The following TENM3 variants were observed in gnomAD, a reference collection of about 807,000 sequenced individuals.
TENM3 encodes teneurin transmembrane protein 3.
A neutral mutation model predicts 255.1 loss-of-function variants in TENM3; 63 were observed. The ratio of observed to expected loss-of-function variants is 0.25; its 90% CI spans 0.20 to 0.30. The LOEUF (loss-of-function observed/expected upper bound fraction) is 0.30, where lower values mean the gene tolerates loss of function less well. Among genes scored for constraint, TENM3 ranks in the 10% least tolerant of loss-of-function variants. The probability of loss-of-function intolerance (pLI) is 1.00; values close to 1 mark genes in which losing one functional copy is unlikely to be tolerated. For synonymous variants in TENM3, 1,306 were observed against 1,322.3 expected (o/e 0.99, Z 0.27); for missense variants, 2,929 against 3,461.1 (o/e 0.85, Z 3.86).
chr4:182,285,863 A>G (rs115065772), intron 1 of TENM3, among the ~76,000 whole-genome samples: 2,788 of 152,226 alleles, frequency 0.018, 81 homozygotes, highest in African/African-American at 0.06. Context: ...AAAAGAAAAA[A>G]AAATAAGCCT....
chr4:181,839,363 A>C, the TENM3 span, among the ~76,000 whole-genome samples: 4 of 59,160 alleles, frequency 6.8e-5, no homozygotes, highest in Non-Finnish European at 1.5e-4. Flanking sequence ...ATATATATAT[A>C]TATATATATA....
At chr4:181,970,559 C>T in the TENM3 span, among the ~76,000 whole-genome samples, 4 of 152,072 alleles carry the variant, frequency 2.6e-5, no homozygotes, top group African/African-American at 9.7e-5. Context: ...AGAATTTTTC[C>T]ACCATCAGTG....
Position 182,669,700 on chromosome 4 carries a change from A to C in TENM3, c.1112-3305A>C, listed in dbSNP as rs192209919. Among the ~76,000 whole-genome samples the C allele has an allele frequency of 4.6e-3, 697 of 152,340 alleles. 3 individuals carry two copies. Among genetic ancestry groups the C allele is most frequent in the Non-Finnish European group, 6.2e-3 (424 of 68,030 alleles). ...TAATATATCTGATTTTATATGAAATAGACAAATTTAAAACTTAGTAATTTA... is the reference window on the plus strand; with the variant it reads ...TAATATATCTGATTTTATATGAAATCGACAAATTTAAAACTTAGTAATTTA... On this transcript the variant is annotated intron_variant, in intron 6 of 27. Coordinates refer to ENST00000511685, the MANE Select transcript of TENM3 (RefSeq NM_001080477.4).
rs1739710278 is a variant in TENM3 at position 182,530,839 on chromosome 4, A to G, written c.512-70085A>G. 2.6e-5 allele frequency among the ~76,000 whole-genome samples: 4 copies of G among 152,328 alleles called. No individual in the cohort carries two copies. The South Asian group carries it at 8.3e-4, about 32-fold the overall frequency. ...TCTTAGATGTTTGGCTTACATGCCC[A>G]GTGGAGTTTGGTGCCATTTACTGAA... On this transcript the variant is annotated intron_variant, in intron 3 of 27. Coordinates refer to ENST00000511685, the MANE Select transcript of TENM3 (RefSeq NM_001080477.4).
the TENM3 span, among the ~76,000 whole-genome samples, chr4:181,528,879 A>C: frequency 2.6e-5 from 3 of 114,592 alleles, no homozygotes; most frequent in African/African-American, 8.8e-5. Context: ...CCAAACACAC[A>C]CACACATACA....
the TENM3 span, among the ~76,000 whole-genome samples, chr4:181,634,521 A>G: frequency 6.7e-6 from 1 of 150,338 alleles, no homozygotes; most frequent in South Asian, 2.1e-4. Context: ...TTTCCTATGT[A>G]TTTTGTATTG....
the TENM3 span, among the ~76,000 whole-genome samples, chr4:182,066,833 C>G: frequency 0.019 from 2,864 of 152,148 alleles, 84 homozygotes; most frequent in African/African-American, 0.065. Flanking sequence ...ATGGCGTGAA[C>G]CCGGGAGGCG....
the TENM3 span, among the ~76,000 whole-genome samples, chr4:182,045,014 G>A: frequency 6.6e-6 from 1 of 152,188 alleles, no homozygotes; most frequent in Non-Finnish European, 1.5e-5. Flanking sequence ...TTGTTGTCTT[G>A]TAGAACAAAA....
chr4:181,899,906 T>C, the TENM3 span, among the ~76,000 whole-genome samples: 1 of 152,174 alleles, frequency 6.6e-6, no homozygotes, highest in African/African-American at 2.4e-5. Flanking sequence ...ATTTTATTCT[T>C]GAAGTAAACC....
the TENM3 span, among the ~76,000 whole-genome samples, chr4:181,469,101 T>G: frequency 1.3e-5 from 2 of 152,200 alleles, no homozygotes. Flanking sequence ...GTGGCTTTAT[T>G]GCAGTTGTCA....
the TENM3 span, among the ~76,000 whole-genome samples, chr4:182,006,373 G>T: frequency 6.6e-6 from 1 of 152,138 alleles, no homozygotes; most frequent in African/African-American, 2.4e-5. Flanking sequence ...TTTTTGGTTG[G>T]TAGGTGATTA....
At chr4:182,477,299 G>A (rs945820590) in intron 3 of TENM3, among the ~76,000 whole-genome samples, 2 of 152,140 alleles carry the variant, frequency 1.3e-5, no homozygotes, top group African/African-American at 4.8e-5. Context: ...CTGGGTGACT[G>A]TTTTCTGAGT....
At chr4:182,197,584 A>G (rs1362585726) in intron 1 of TENM3, among the ~76,000 whole-genome samples, 3 of 152,246 alleles carry the variant, frequency 2.0e-5, no homozygotes, top group Non-Finnish European at 4.4e-5. Context: ...GCTCAACAAT[A>G]CAAAAAGAAA....
At chr4:181,780,530 A>G in the TENM3 span, among the ~76,000 whole-genome samples, 284 of 152,172 alleles carry the variant, frequency 1.9e-3, 1 homozygote, top group Middle Eastern at 6.8e-3. Context: ...TAGATTCTGG[A>G]TATTAGCACT....
At chr4:182,682,158 A>T (rs1756229226) in intron 11 of TENM3, 144 bp downstream of exon 11, 2 of 717,058 alleles carry the variant, frequency 2.8e-6, no homozygotes, top group South Asian at 4.0e-5. Flanking sequence ...AAAAGTAATG[A>T]TATGTAGTTG....
At chr4:181,827,083 C>T in the TENM3 span, among the ~76,000 whole-genome samples, 2 of 152,118 alleles carry the variant, frequency 1.3e-5, no homozygotes, top group Non-Finnish European at 2.9e-5. Flanking sequence ...TTCCTCTTTT[C>T]CCTACCTTCC....
chr4:181,847,184 T>G, the TENM3 span, among the ~76,000 whole-genome samples: 1 of 152,242 alleles, frequency 6.6e-6, no homozygotes, highest in Non-Finnish European at 1.5e-5. Context: ...CCCATCCATA[T>G]GGAAAACGTT....
chr4:182,065,848 A>G, the TENM3 span, among the ~76,000 whole-genome samples: 1 of 151,868 alleles, frequency 6.6e-6, no homozygotes, highest in African/African-American at 2.4e-5. Context: ...TTACCAAACC[A>G]TTTTTCTCAC....
the TENM3 span, among the ~76,000 whole-genome samples, chr4:182,024,869 C>T: frequency 1.3e-5 from 2 of 152,004 alleles, no homozygotes; most frequent in African/African-American, 4.8e-5. Flanking sequence ...CATCCTTCTA[C>T]TCTCTATCTC....
Sources: allele counts gnomAD v4.1 joint callset (sites outside exome capture counted in the v4.1 genomes callset), GRCh38; gene constraint gnomAD v4.1.1; transcripts MANE v1.5; gene names NCBI Gene and HGNC (gene_info 2026-07-23, HGNC 2026-07-21).